XKR6: variants seen among roughly 807,000 people sequenced by gnomAD.
XKR6 encodes XK-related protein 6.
A neutral mutation model predicts 56.7 loss-of-function variants in XKR6; 22 were observed. The ratio of observed to expected loss-of-function variants is 0.39; its 90% CI spans 0.28 to 0.55. The LOEUF is 0.55. Among genes scored for constraint, XKR6 ranks in the 20% least tolerant of loss-of-function variants. XKR6 has a pLI of 0.66. For synonymous variants in XKR6, 524 were observed against 387.8 expected (o/e 1.35, Z -4.13); for missense variants, 852 against 889.0 (o/e 0.96, Z 0.53).
intron 1 of XKR6, among the ~76,000 whole-genome samples, chr8:10,940,283 A>G (rs1487639398): frequency 3.3e-5 from 5 of 152,224 alleles, no homozygotes; most frequent in African/African-American, 1.2e-4. Context: ...CAGGACTCTC[A>G]CTGTAAGTTA....
At chr8:10,948,126 C>G (rs1206804921) in intron 1 of XKR6, among the ~76,000 whole-genome samples, 1 of 152,188 alleles carries the variant, frequency 6.6e-6, no homozygotes, top group Non-Finnish European at 1.5e-5. Context: ...AAATATCTCA[C>G]TGGTTCCTCG....
chr8:11,153,277 A>C (rs1209759441), intron 1 of XKR6, among the ~76,000 whole-genome samples: 1 of 152,212 alleles, frequency 6.6e-6, no homozygotes, highest in Non-Finnish European at 1.5e-5. Flanking sequence ...AAGAGAGAGC[A>C]TGAAGGAACT....
intron 1 of XKR6, among the ~76,000 whole-genome samples, chr8:11,034,607 A>G (rs1436010472): frequency 6.6e-6 from 1 of 152,222 alleles, no homozygotes; most frequent in Non-Finnish European, 1.5e-5. Flanking sequence ...TCAGCCTGAC[A>G]GCAGCTTAAA....
chr8:10,923,743 C>T (rs374839717), intron 2 of XKR6, among the ~76,000 whole-genome samples: 4 of 152,156 alleles, frequency 2.6e-5, no homozygotes, highest in African/African-American at 9.7e-5. Flanking sequence ...AGAGGACCTG[C>T]GGGGTCTGGA....
chr8:11,101,306 G>T (rs976965195), intron 1 of XKR6, among the ~76,000 whole-genome samples: 1 of 152,212 alleles, frequency 6.6e-6, no homozygotes, highest in Non-Finnish European at 1.5e-5. Flanking sequence ...GCAAGAGGGA[G>T]CTGGTTATAT....
intron 1 of XKR6, among the ~76,000 whole-genome samples, chr8:11,073,796 A>G (rs1401053226): frequency 6.6e-6 from 1 of 152,084 alleles, no homozygotes; most frequent in African/African-American, 2.4e-5. Flanking sequence ...GGGGCCAGTG[A>G]GAAACAAACA....
At chr8:10,915,544 C>T (rs888691842) in intron 2 of XKR6, among the ~76,000 whole-genome samples, 3 of 152,072 alleles carry the variant, frequency 2.0e-5, no homozygotes, top group East Asian at 1.9e-4. Context: ...CCCTCCCTCT[C>T]GCCATTGGTC....
At chr8:11,141,574 G>A (rs1412489602) in intron 1 of XKR6, among the ~76,000 whole-genome samples, 4 of 152,222 alleles carry the variant, frequency 2.6e-5, no homozygotes, top group Non-Finnish European at 4.4e-5. Context: ...TACTCTTGAC[G>A]TGGACCCCAG....
chr8:11,084,410 T>C (rs889874281), intron 1 of XKR6, among the ~76,000 whole-genome samples: 1 of 152,200 alleles, frequency 6.6e-6, no homozygotes. Flanking sequence ...AGAATTCAGA[T>C]ATGATTTATA....
At chr8:10,907,953 C>G (rs1264173410) in intron 2 of XKR6, among the ~76,000 whole-genome samples, 1 of 152,244 alleles carries the variant, frequency 6.6e-6, no homozygotes, top group Non-Finnish European at 1.5e-5. Flanking sequence ...TCCCAACACT[C>G]TATCCACACT....
chr8:11,013,425 C>G (rs1798544688), intron 1 of XKR6, among the ~76,000 whole-genome samples: 1 of 152,150 alleles, frequency 6.6e-6, no homozygotes, highest in South Asian at 2.1e-4. Flanking sequence ...GATGCCGGCT[C>G]TCATGTTTAT....
chr8:11,195,131 A>C (rs1388854367), intron 1 of XKR6: 1 of 703,188 alleles, frequency 1.4e-6, no homozygotes, highest in Non-Finnish European at 2.6e-6. Flanking sequence ...TTCAGATGGG[A>C]GGAGGGAGAA....
intron 1 of XKR6, among the ~76,000 whole-genome samples, chr8:11,032,024 T>TGAGACAGGGCTCCC (rs1799004806): frequency 6.6e-6 from 1 of 152,204 alleles, no homozygotes; most frequent in Non-Finnish European, 1.5e-5. Context: ...TCAGGGCTTC[T>TGAGACAGGGCTCCC]GAGACAGGGC....
intron 2 of XKR6, among the ~76,000 whole-genome samples, chr8:10,923,471 TC>T (rs1800784855): frequency 6.6e-6 from 1 of 152,156 alleles, no homozygotes; most frequent in Non-Finnish European, 1.5e-5. Flanking sequence ...CATAACCAGG[TC>T]CCCAGGCTTT....
chr8:10,961,304 G>A (rs1167263952), intron 1 of XKR6, among the ~76,000 whole-genome samples: 2 of 152,240 alleles, frequency 1.3e-5, no homozygotes, highest in Non-Finnish European at 2.9e-5. Context: ...GTGGCAGCCA[G>A]TTGCTGACTG....
intron 1 of XKR6, among the ~76,000 whole-genome samples, chr8:11,091,618 T>C (rs1798077316): frequency 6.6e-6 from 1 of 151,978 alleles, no homozygotes; most frequent in African/African-American, 2.4e-5. Flanking sequence ...GAGGAGGCAG[T>C]GGGAGTTGGT....
chr8:11,005,415 G>A (rs922513075), intron 1 of XKR6, among the ~76,000 whole-genome samples: 11 of 152,052 alleles, frequency 7.2e-5, no homozygotes, highest in African/African-American at 2.4e-4. Context: ...GAGGGAAGTG[G>A]GATGGGGAGC....
At chr8:10,926,148 C>T (rs1211558472) in intron 1 of XKR6, among the ~76,000 whole-genome samples, 3 of 152,224 alleles carry the variant, frequency 2.0e-5, no homozygotes, top group Admixed American at 2.0e-4. Context: ...CCAGGCCCAG[C>T]TGGCCTCAGG....
chr8:11,012,625 C>A (rs1798526968), intron 1 of XKR6, among the ~76,000 whole-genome samples: 1 of 149,354 alleles, frequency 6.7e-6, no homozygotes, highest in South Asian at 2.2e-4. Flanking sequence ...GCCCCCCTCA[C>A]CTCCCCCTAG....
Sources: gnomAD v4.1 joint callset for allele counts (sites outside exome capture counted in the v4.1 genomes callset) on GRCh38, gnomAD v4.1.1 for gene constraint, MANE v1.5 for transcripts, NCBI Gene and HGNC (gene_info 2026-07-23, HGNC 2026-07-21) for gene names.